The following BPI variants were observed in gnomAD, a reference collection of about 807,000 sequenced individuals.
BPI encodes the protein bactericidal permeability increasing protein.
BPI carries 48 observed loss-of-function variants against 57.6 expected under a neutral mutation model. The observed-to-expected ratio is 0.83, with a 90% CI of 0.66 to 1.06. The LOEUF (loss-of-function observed/expected upper bound fraction) is 1.06. BPI is among the 50% of genes least tolerant of loss of function. The pLI is 0.00. For synonymous variants in BPI, 237 were observed against 238.2 expected (o/e 0.99, Z 0.05); for missense variants, 651 against 609.7 (o/e 1.07, Z -0.71).
At chr20:38,320,366 C>A in intron 7 of BPI, 92 bp downstream of exon 7, 1 of 1,159,736 alleles carries the variant, frequency 8.6e-7, no homozygotes, top group African/African-American at 1.5e-5. Flanking sequence ...TAACAATGTC[C>A]CCTACTTCCT....
In BPI at chr20:38,326,396, C is replaced by G; in HGVS notation, c.1125C>G (p.Pro375=). The G allele has an allele frequency of 6.2e-7, 1 of 1,614,096 alleles. No homozygotes were observed. The highest frequency in any genetic ancestry group is 8.5e-7 in the Non-Finnish European group (1 of 1,180,012). ...AVDVQAFAVL[P]NSSLASLFLI... ...ATGTCCAGGCCTTTGCCGTCCTCCC[C>G]AACTCCTCCCTGGCTTCCCTCTTCC... The change falls in exon 10 of 15, where the codon CCC becomes CCG. Residue 375 remains proline (P), a synonymous_variant. Coordinates refer to ENST00000642449, the MANE Select transcript of BPI (RefSeq NM_001725.3).
intron 1 of BPI, among the ~76,000 whole-genome samples, chr20:38,307,011 A>C (rs2076599783): frequency 6.6e-6 from 1 of 152,096 alleles, no homozygotes; most frequent in African/African-American, 2.4e-5. Flanking sequence ...GTGAAACCCC[A>C]GATCTCTGCA....
In BPI at chr20:38,307,993, G is replaced by A. The variant is rs372084495; in HGVS notation, c.245+312G>A. Among the ~76,000 whole-genome samples, 18 of 152,302 alleles carry A rather than the reference G, an allele frequency of 1.2e-4. No homozygotes were observed. In the East Asian group the frequency reaches 2.7e-3, roughly 23 times the overall value. On this transcript the variant is annotated intron_variant, in intron 2 of 14. Coordinates refer to ENST00000642449, the MANE Select transcript of BPI (RefSeq NM_001725.3). ...GCAGAATGCATTGGCTCACATGGCC[G>A]GAAAGTCTCTGGAAGAGTCTGGCTT...
chr20:38,318,403 T>G lies in BPI; in HGVS notation c.601-10T>G. Reference sequence around the variant, plus strand: ...AAGACCTTACTGATTACTTGTTTGGTTCTCCCCAGGTCTGCGAGAAAGTGA... The same window carrying G: ...AAGACCTTACTGATTACTTGTTTGGGTCTCCCCAGGTCTGCGAGAAAGTGA... On this transcript the variant is annotated splice_polypyrimidine_tract_variant and intron_variant, in intron 5 of 14. Transcript: ENST00000642449. The G allele has an allele frequency of 6.2e-7, 1 of 1,611,686 alleles. No homozygotes were observed. Among genetic ancestry groups the G allele is most frequent in the Non-Finnish European group, 8.5e-7 (1 of 1,177,726 alleles).
At chr20:38,318,343 G>A (rs2076662789) in intron 5 of BPI, 70 bp from the exon 6 acceptor site, 1 of 1,468,966 alleles carries the variant, frequency 6.8e-7, no homozygotes, top group Non-Finnish European at 9.5e-7. Context: ...GGCATATCTG[G>A]CCCGTTATTG....
intron 7 of BPI, among the ~76,000 whole-genome samples, chr20:38,323,253 T>C (rs915779007): frequency 1.3e-5 from 2 of 152,162 alleles, no homozygotes; most frequent in African/African-American, 4.8e-5. Flanking sequence ...CCATCTATAA[T>C]TTGGTTTTTT....
At chr20:38,335,389 T>TA in intron 13 of BPI, 1 of 595,130 alleles carries the variant, frequency 1.7e-6, no homozygotes. Context: ...ACGCAGGTGC[T>TA]AGAAGTGGAC....
chr20:38,322,642 G>T (rs766272189), intron 7 of BPI, among the ~76,000 whole-genome samples: 1 of 152,136 alleles, frequency 6.6e-6, no homozygotes, highest in Non-Finnish European at 1.5e-5. Context: ...ATGGAGTTTT[G>T]TCTTGTTGCC....
rs375706152 is a variant in BPI at position 38,318,508 on chromosome 20, G to A, written c.664+32G>A. The A allele has an allele frequency of 5.0e-6, 8 of 1,603,282 alleles. No homozygotes were observed. The South Asian group carries it at 6.6e-5, about 13-fold the overall frequency. On this transcript the variant is annotated intron_variant, in intron 6 of 14. Transcript: ENST00000642449. The stretch of plus-strand genomic sequence containing the variant: ...GCTGGATGAAGATCAAGGATAGAAA[G>A]GAACAGAAATGGGAGGGGGTGAGGA...
chr20:38,307,651 A>G lies in BPI; in HGVS notation c.215A>G (p.His72Arg), dbSNP rs1400131786. The G allele has an allele frequency of 6.2e-7, 1 of 1,612,196 alleles. No individual in the cohort carries two copies. ...TACTCAGACAGCTTTAAGATCAAGCATCTTGGGAAGGGGCATTATAGCTTC... is the reference window on the plus strand; with the variant it reads ...TACTCAGACAGCTTTAAGATCAAGCGTCTTGGGAAGGGGCATTATAGCTTC... ...PDYSDSFKIK[H>R]LGKGHYSFYS... Residue 72 changes from histidine (H) to arginine (R), a missense_variant, in exon 2 of 15, where the codon CAT (histidine) becomes CGT (arginine). Transcript: ENST00000642449.
intron 7 of BPI, among the ~76,000 whole-genome samples, chr20:38,321,120 G>A (rs2076682089): frequency 7.8e-6 from 1 of 127,840 alleles, no homozygotes; most frequent in African/African-American, 3.0e-5. Flanking sequence ...CGGGTAGGTG[G>A]ATGGGTGGGT....
In BPI at chr20:38,326,348, C is replaced by A. The variant is rs766309323; in HGVS notation, c.1077C>A (p.Gly359=). The change falls in exon 10 of 15, where the codon GGC becomes GGA. Residue 359 remains glycine (G), a synonymous_variant. Transcript: ENST00000642449. ...TPPHLSVQPT[G]LTFYPAVDVQ... is the part of the protein sequence containing the mutation. ...CACACCTGTCTGTGCAGCCCACCGG[C>A]CTTACCTTCTACCCTGCCGTGGATG... is the stretch of plus-strand genomic sequence containing the variant. The A allele has an allele frequency of 1.9e-6, 3 of 1,614,156 alleles. No homozygotes were observed. In the Admixed American group the frequency reaches 5.0e-5, roughly 27 times the overall value.
chr20:38,320,329 G>A (rs2076674934), intron 7 of BPI, 55 bp downstream of exon 7: 1 of 1,510,394 alleles, frequency 6.6e-7, no homozygotes, highest in African/African-American at 1.4e-5. Flanking sequence ...AGACACTCCA[G>A]GGCTCCCCAG....
At chr20:38,319,644 T>C (rs1005784999) in intron 6 of BPI, 1 of 152,278 alleles carries the variant, frequency 6.6e-6, no homozygotes, top group Non-Finnish European at 1.5e-5. Flanking sequence ...AAAGGGATAT[T>C]TATTTAATTC....
intron 6 of BPI, chr20:38,319,854 G>A: frequency 5.2e-6 from 1 of 191,968 alleles, no homozygotes; most frequent in East Asian, 1.1e-4. Flanking sequence ...TTCTACAAAT[G>A]ACAAAAAGTG....
intron 7 of BPI, 74 bp downstream of exon 7, chr20:38,320,348 AACAAACTT>A: frequency 7.6e-7 from 1 of 1,317,364 alleles, no homozygotes; most frequent in Non-Finnish European, 1.1e-6. Flanking sequence ...AGTCCTTGGA[AACAAACTT>A]AACAATGTCC....
At chr20:38,320,316 C>T (rs1376613947) in intron 7 of BPI, 42 bp downstream of exon 7, 2 of 1,572,190 alleles carry the variant, frequency 1.3e-6, no homozygotes, top group Non-Finnish European at 1.7e-6. Flanking sequence ...ACACCTCTGT[C>T]TCAGACACTC....
intron 6 of BPI, 174 bp from the exon 7 acceptor site, chr20:38,320,009 G>A: frequency 1.6e-6 from 1 of 609,546 alleles, no homozygotes; most frequent in South Asian, 2.0e-5. Context: ...AATGTGGGGT[G>A]TGGGTTCATT....
At position 38,307,630 on chromosome 20, in the gene BPI, C is replaced by T; in HGVS notation, c.194C>T (p.Ser65Leu). ...AAGAGGATCAAGATTCCTGACTACT[C>T]AGACAGCTTTAAGATCAAGCATCTT... Reference protein sequence around the residue: ...ELKRIKIPDYSDSFKIKHLGK... With the variant: ...ELKRIKIPDYLDSFKIKHLGK... Residue 65 changes from serine to leucine, a missense_variant, in exon 2 of 15, where the codon TCA becomes TTA. By Grantham distance (145) the Ser-to-Leu change is moderately radical (BLOSUM62 -2). Transcript: ENST00000642449. The T allele has an allele frequency of 6.2e-7, 1 of 1,612,372 alleles. No individual in the cohort carries two copies. The highest frequency in any genetic ancestry group is 1.3e-5 in the African/African-American group (1 of 74,934).
Sources: gnomAD v4.1 joint callset for allele counts (sites outside exome capture counted in the v4.1 genomes callset) on GRCh38, gnomAD v4.1.1 for gene constraint, MANE v1.5 for transcripts, NCBI Gene and HGNC (gene_info 2026-07-23, HGNC 2026-07-21) for gene names.